QRICH1: variants seen among roughly 807,000 people sequenced by gnomAD.
QRICH1 encodes transcriptional regulator QRICH1.
Under a neutral mutation model 87.1 loss-of-function variants are expected in QRICH1, and 16 were observed. The ratio of observed to expected loss-of-function variants is 0.18; its 90% confidence interval spans 0.12 to 0.28. QRICH1 has a LOEUF of 0.28. Ranked by LOEUF, QRICH1 falls within the 10% of genes least tolerant of loss-of-function variation. QRICH1 has a pLI of 1.00. For synonymous variants in QRICH1, 367 were observed against 368.4 expected (o/e 1.00, Z 0.05); for missense variants, 647 against 951.7 (o/e 0.68, Z 4.21).
intron 3 of QRICH1, among the ~76,000 whole-genome samples, chr3:49,051,362 C>T (rs979168931): frequency 6.6e-6 from 1 of 152,128 alleles, no homozygotes; most frequent in Non-Finnish European, 1.5e-5. Flanking sequence ...GATATATCAT[C>T]CTCCCGGACC....
At position 49,033,141 on chromosome 3, in the gene QRICH1, G is replaced by C. The variant is rs755812677; in HGVS notation, c.1874C>G (p.Thr625Ser). Reference protein sequence around the residue: ...GAHSPSTLLTTLMFFNTKYFL... With the variant: ...GAHSPSTLLTSLMFFNTKYFL... ...TTACTTGGTATTAAAGAACATGAGG[G>C]TGGTCAGCAAGGTGGAGGGGGAGTG... Residue 625 changes from threonine to serine, a missense_variant, in exon 7 of 10, where the codon ACC becomes AGC. Physicochemically the swap from Thr to Ser is moderately conservative, Grantham distance 58 (BLOSUM62 1). This residue lies in a region of QRICH1 where 187 missense variants were observed against 309.5 expected (regional missense o/e 0.60). Transcript: ENST00000395443. 12 of 1,573,236 alleles carry C rather than the reference G, an allele frequency of 7.6e-6. No individual in the cohort carries two copies. The highest frequency in any genetic ancestry group is 1.0e-5 in the Non-Finnish European group (12 of 1,161,296).
intron 3 of QRICH1, among the ~76,000 whole-genome samples, chr3:49,053,498 A>AC (rs1041621878): frequency 2.6e-5 from 4 of 151,362 alleles, no homozygotes; most frequent in African/African-American, 4.9e-5. Context: ...AAAAAAAAAA[A>AC]AAAAAAACAA....
chr3:49,056,647 C>T, intron 3 of QRICH1: 1 of 874,668 alleles, frequency 1.1e-6, no homozygotes, highest in Non-Finnish European at 1.8e-6. Context: ...AAAGCAATTC[C>T]TGGCCATCTC....
intron 3 of QRICH1, among the ~76,000 whole-genome samples, chr3:49,052,982 T>C (rs2093379828): frequency 6.6e-6 from 1 of 152,210 alleles, no homozygotes; most frequent in East Asian, 1.9e-4. Flanking sequence ...GATTATCATC[T>C]TCAGCAGCAG....
chr3:49,039,960 C>G (rs1281716175), intron 6 of QRICH1, among the ~76,000 whole-genome samples: 1 of 152,080 alleles, frequency 6.6e-6, no homozygotes, highest in Non-Finnish European at 1.5e-5. Flanking sequence ...ACTTGGGAGG[C>G]TGAGGCACGA....
intron 2 of QRICH1, among the ~76,000 whole-genome samples, chr3:49,061,123 A>G (rs973539096): frequency 4.6e-5 from 6 of 129,098 alleles, no homozygotes; most frequent in Non-Finnish European, 9.5e-5. Flanking sequence ...TGACAGAGTG[A>G]GCCTCCATCT....
upstream of QRICH1, chr3:49,094,276 G>C: frequency 2.7e-6 from 1 of 374,534 alleles, no homozygotes. Flanking sequence ...CTAGGGCCGT[G>C]GCTTGGCCTA....
At chr3:49,080,346 G>T (rs920954890) in intron 1 of QRICH1, among the ~76,000 whole-genome samples, 1 of 151,564 alleles carries the variant, frequency 6.6e-6, no homozygotes, top group Non-Finnish European at 1.5e-5. Flanking sequence ...TTTTTTTAAG[G>T]TACAAAAGTA....
At chr3:49,036,039 T>C (rs2106823983) in intron 6 of QRICH1, among the ~76,000 whole-genome samples, 1 of 152,126 alleles carries the variant, frequency 6.6e-6, no homozygotes, top group South Asian at 2.1e-4. Context: ...TGAGGCAAGA[T>C]TGTGCCACTG....
intron 2 of QRICH1, among the ~76,000 whole-genome samples, chr3:49,065,517 A>T (rs2093462999): frequency 3.3e-5 from 5 of 152,164 alleles, no homozygotes; most frequent in African/African-American, 1.2e-4. Flanking sequence ...TTCCGCACTC[A>T]ATCTGTTGTG....
chr3:49,093,767 G>A (rs1278259747), intron 1 of QRICH1, 145 bp downstream of exon 1: 2 of 340,634 alleles, frequency 5.9e-6, no homozygotes, highest in Non-Finnish European at 5.3e-6. Flanking sequence ...GCTAGCCCAG[G>A]AACGTTTTCG....
At chr3:49,079,948 G>C (rs2042025963) in intron 1 of QRICH1, among the ~76,000 whole-genome samples, 1 of 151,462 alleles carries the variant, frequency 6.6e-6, no homozygotes, top group African/African-American at 2.4e-5. Context: ...AGAATTGCTT[G>C]AGCCCAGGAG....
intron 3 of QRICH1, 24 bp downstream of exon 3, chr3:49,056,838 C>A (rs368631318): frequency 5.9e-5 from 96 of 1,613,990 alleles, no homozygotes; most frequent in Non-Finnish European, 6.6e-5. Flanking sequence ...AGGCTGCCTG[C>A]CCTACTGATA....
chr3:49,091,218 G>A lies in QRICH1; in HGVS notation c.-22+2694C>T, dbSNP rs548822660. 4.6e-5 allele frequency among the ~76,000 whole-genome samples: 7 copies of A among 152,170 alleles called. No homozygotes were observed. The East Asian group carries it at 5.8e-4, about 13-fold the overall frequency. On this transcript the variant is annotated intron_variant, in intron 1 of 9. Transcript: ENST00000395443. ...AGCCCGGGCAACAGAGCGAGACTCC[G>A]TCTCAAAAAATAATAATAAAAATAA...
intron 1 of QRICH1, among the ~76,000 whole-genome samples, chr3:49,085,758 CAAA>C (rs1160204334): frequency 1.3e-5 from 1 of 78,328 alleles, no homozygotes; most frequent in Non-Finnish European, 2.6e-5. Flanking sequence ...AACTCCATCT[CAAA>C]AAAAAAAAAA....
In QRICH1 at chr3:49,057,165, T is replaced by G. The variant is rs1333090467; in HGVS notation, c.1035A>C (p.Ser345=). 3 of 1,614,212 alleles carry G rather than the reference T, an allele frequency of 1.9e-6. No homozygotes were observed. In the South Asian group the frequency reaches 3.3e-5, roughly 18 times the overall value. Residue 345 remains serine, a synonymous_variant, in exon 3 of 10, where the codon TCA becomes TCC. Transcript: ENST00000395443. The surrounding 1 kb of genome is among the most constrained non-coding windows in gnomAD (Gnocchi z 5.4). ...EAYNAVHVSG[S]PTALAAVKLE... ...GCTTAACAGCTGCCAGGGCTGTGGG[T>G]GAGCCACTGACGTGAACTGCGTTGT...
chr3:49,091,770 T>TA (rs1399232184), intron 1 of QRICH1, among the ~76,000 whole-genome samples: 1 of 152,136 alleles, frequency 6.6e-6, no homozygotes, highest in Non-Finnish European at 1.5e-5. Context: ...CAAGCAAGCC[T>TA]AAAAAATTAA....
rs540671814 is a variant in QRICH1, at chr3:49,093,925, TGCC to T, written c.-38_-36del. 166 of 239,564 alleles carry T rather than the reference TGCC, an allele frequency of 6.9e-4. No individual in the cohort carries two copies. Among genetic ancestry groups the T allele is most frequent in the Middle Eastern group, 1.3e-3 (1 of 774 alleles). 14.8% of individuals were successfully genotyped at this position (239,564 alleles called of 1,614,324 possible). ...TGGAGCCCTCACCCGGCGACGTCAC[TGCC>T]GCCGCCGCCGCCGCCTCCGCTGCAC... On this transcript the variant is annotated 5_prime_UTR_variant, in exon 1 of 10. Coordinates refer to ENST00000395443, the MANE Select transcript of QRICH1 (RefSeq NM_198880.3).
At chr3:49,045,793 T>C (rs1465514496) in intron 5 of QRICH1, among the ~76,000 whole-genome samples, 1 of 152,032 alleles carries the variant, frequency 6.6e-6, no homozygotes, top group East Asian at 1.9e-4. Flanking sequence ...GGTTTCACTA[T>C]GTTGCCTAGG....
Sources: allele counts gnomAD v4.1 joint callset (sites outside exome capture counted in the v4.1 genomes callset), GRCh38; gene constraint gnomAD v4.1.1; regional missense constraint gnomAD v4.1.1; non-coding constraint Gnocchi (gnomAD v3.1); transcripts MANE v1.5; gene names NCBI Gene and HGNC (gene_info 2026-07-23, HGNC 2026-07-21).